Variants in CDH13 observed in about 807,000 individuals in gnomAD.
The protein encoded by CDH13 is cadherin-13.
Under a neutral mutation model 63.8 loss-of-function variants are expected in CDH13, and 24 were observed. The observed-to-expected ratio is 0.38, with a 90% CI of 0.27 to 0.53. The LOEUF (loss-of-function observed/expected upper bound fraction) is 0.53, where lower values mean the gene tolerates loss of function less well. Among genes scored for constraint, CDH13 ranks in the 20% least tolerant of loss-of-function variants. The pLI is 0.85. For missense variants in CDH13, 1,049 were observed against 903.1 expected (o/e 1.16, Z -2.07); for synonymous variants, 503 against 355.3 (o/e 1.42, Z -4.67).
At chr16:83,355,375 C>A (rs557956994) in intron 6 of CDH13, among the ~76,000 whole-genome samples, 1 of 152,272 alleles carries the variant, frequency 6.6e-6, no homozygotes, top group East Asian at 1.9e-4. Context: ...CAAGTATAAA[C>A]CAGAATCTAC....
chr16:83,033,625 C>T (rs892326342), intron 3 of CDH13, among the ~76,000 whole-genome samples: 25 of 152,186 alleles, frequency 1.6e-4, no homozygotes, highest in African/African-American at 5.3e-4. Flanking sequence ...TTCCCTTCCA[C>T]AGGCACATGC....
At chr16:83,090,906 ATTTGGGAACCCCCAGC>A (rs2033874664) in intron 3 of CDH13, among the ~76,000 whole-genome samples, 1 of 151,394 alleles carries the variant, frequency 6.6e-6, no homozygotes. Flanking sequence ...AAAAAAAGTC[ATTTGGGAACCCCCAGC>A]AAAATACTGT....
intron 5 of CDH13, among the ~76,000 whole-genome samples, chr16:83,220,745 AGTT>A (rs1231613021): frequency 6.6e-6 from 1 of 151,928 alleles, no homozygotes; most frequent in Admixed American, 6.6e-5. Context: ...TGTTGTTTAA[AGTT>A]AAGTGCTGCT....
intron 1 of CDH13, among the ~76,000 whole-genome samples, chr16:82,797,053 C>G (rs1157404597): frequency 6.6e-6 from 1 of 152,220 alleles, no homozygotes; most frequent in Non-Finnish European, 1.5e-5. Context: ...TGACTATGTA[C>G]TTGTCATGAG....
At chr16:82,677,725 C>T (rs1002795355) in intron 1 of CDH13, among the ~76,000 whole-genome samples, 6 of 152,064 alleles carry the variant, frequency 3.9e-5, no homozygotes, top group African/African-American at 1.4e-4. Context: ...TTTAAAGGTT[C>T]CTCTCATCTC....
intron 8 of CDH13, among the ~76,000 whole-genome samples, chr16:83,610,385 C>A (rs16961009): frequency 6.6e-6 from 1 of 151,860 alleles, no homozygotes; most frequent in Non-Finnish European, 1.5e-5. Context: ...ATGTAACTTC[C>A]ATATGAAAAA....
chr16:83,510,928 TTA>T (rs2074541712), intron 7 of CDH13, among the ~76,000 whole-genome samples: 1 of 152,238 alleles, frequency 6.6e-6, no homozygotes, highest in Admixed American at 6.5e-5. Flanking sequence ...CTTGAAAACT[TTA>T]GACTGAGAGA....
intron 2 of CDH13, among the ~76,000 whole-genome samples, chr16:82,910,124 G>C (rs1424748161): frequency 6.6e-6 from 1 of 152,180 alleles, no homozygotes; most frequent in Non-Finnish European, 1.5e-5. Context: ...GCCGATGTCT[G>C]AGTCATCTGT....
At chr16:83,406,981 G>A (rs2092057698) in intron 6 of CDH13, among the ~76,000 whole-genome samples, 1 of 152,194 alleles carries the variant, frequency 6.6e-6, no homozygotes, top group African/African-American at 2.4e-5. Flanking sequence ...TTTCTAAAAA[G>A]TAACTTAATG....
intron 8 of CDH13, among the ~76,000 whole-genome samples, chr16:83,608,236 A>G (rs141092867): frequency 1.2e-3 from 183 of 152,350 alleles, no homozygotes; most frequent in African/African-American, 4.3e-3. Flanking sequence ...TAAAAACGAC[A>G]TAAAACTTAT....
At chr16:83,048,774 A>C (rs1048688855) in intron 3 of CDH13, among the ~76,000 whole-genome samples, 1 of 151,856 alleles carries the variant, frequency 6.6e-6, no homozygotes, top group Admixed American at 6.6e-5. Context: ...ACACTCTTAC[A>C]TCTTAAATTT....
chr16:83,486,340 T>C (rs1263714343), intron 6 of CDH13, 137 bp from the exon 7 acceptor site: 2 of 612,266 alleles, frequency 3.3e-6, no homozygotes, highest in African/African-American at 3.7e-5. Flanking sequence ...ATAGCAAAGC[T>C]TGGGAAATAC....
chr16:83,251,577 C>G (rs1402342607), intron 5 of CDH13, among the ~76,000 whole-genome samples: 1 of 152,194 alleles, frequency 6.6e-6, no homozygotes, highest in Non-Finnish European at 1.5e-5. Context: ...TGACTGAATC[C>G]TGAATGTCAG....
chr16:83,276,492 G>T (rs1430344544), intron 5 of CDH13, among the ~76,000 whole-genome samples: 2 of 152,118 alleles, frequency 1.3e-5, no homozygotes, highest in South Asian at 4.1e-4. Context: ...CCAGGACTGG[G>T]CAATTTACAA....
chr16:83,175,971 G>A (rs1435367080), intron 4 of CDH13, among the ~76,000 whole-genome samples: 1 of 151,354 alleles, frequency 6.6e-6, no homozygotes, highest in East Asian at 2.0e-4. Context: ...TGGGATTACA[G>A]GCATGTGCCA....
intron 4 of CDH13, among the ~76,000 whole-genome samples, chr16:83,166,037 G>T (rs2037650665): frequency 6.6e-6 from 1 of 152,142 alleles, no homozygotes; most frequent in South Asian, 2.1e-4. Flanking sequence ...TGCATTGTTT[G>T]TGGAAAGATA....
chr16:82,967,217 C>T (rs1907974853), intron 2 of CDH13, among the ~76,000 whole-genome samples: 1 of 152,082 alleles, frequency 6.6e-6, no homozygotes, highest in East Asian at 1.9e-4. Context: ...CCACCCCCAC[C>T]CCCATGGCTT....
In CDH13 at chr16:82,628,129, G is replaced by A. The variant is rs575291741; in HGVS notation, c.45+992G>A. ...GGCCTGGGGTGCTGGCCGCTGCGGG[G>A]GGCACGCCCTGCGCTGCTCAGGGGC... On this transcript the variant is annotated intron_variant, in intron 1 of 13. Transcript: ENST00000567109. 2.9e-3 allele frequency among the ~76,000 whole-genome samples: 436 copies of A among 152,310 alleles called. 3 individuals carry two copies. Among genetic ancestry groups the A allele is most frequent in the African/African-American group, 1.0e-2 (415 of 41,590 alleles).
intron 13 of CDH13, among the ~76,000 whole-genome samples, chr16:83,786,178 G>T (rs1915866628): frequency 6.6e-6 from 1 of 152,248 alleles, no homozygotes; most frequent in Non-Finnish European, 1.5e-5. Flanking sequence ...GAACCAGACA[G>T]GAAGTTAAAC....
Sources: gnomAD v4.1 joint callset for allele counts (sites outside exome capture counted in the v4.1 genomes callset) on GRCh38, gnomAD v4.1.1 for gene constraint, MANE v1.5 for transcripts, NCBI Gene and HGNC (gene_info 2026-07-23, HGNC 2026-07-21) for gene names.